TENM4: variants seen among roughly 807,000 people sequenced by gnomAD.
TENM4 encodes the protein teneurin-4.
Under a neutral mutation model 243.3 loss-of-function variants are expected in TENM4, and 82 were observed. The observed-to-expected ratio is 0.34, with a 90% CI of 0.28 to 0.40. The LOEUF is 0.40. TENM4 is among the 10% of genes least tolerant of loss of function. TENM4 has a pLI of 1.00. For missense variants in TENM4, 3,138 were observed against 3,673.3 expected (o/e 0.85, Z 3.77); for synonymous variants, 1,412 against 1,456.3 (o/e 0.97, Z 0.69).
chr11:78,938,135 A>G (rs1045535805), intron 6 of TENM4, among the ~76,000 whole-genome samples: 9 of 152,204 alleles, frequency 5.9e-5, no homozygotes, highest in Admixed American at 2.6e-4. Context: ...CACACTATCT[A>G]CAGAATAAAG....
At chr11:79,117,743 C>T (rs1443150407) in intron 4 of TENM4, among the ~76,000 whole-genome samples, 1 of 152,176 alleles carries the variant, frequency 6.6e-6, no homozygotes, top group Admixed American at 6.5e-5. Context: ...TCTTCCTTGT[C>T]TTAGTTTTGT....
rs143606344 is a variant in TENM4 at position 78,670,855 on chromosome 11, T to C, written c.5794-304A>G. ...GGTACTCAGGCCATTTGCTGTCCTA[T>C]GGTGAGCAGCCTCGTGGGTTTGCCC... On this transcript the variant is annotated intron_variant, in intron 31 of 33. Coordinates refer to ENST00000278550, the MANE Select transcript of TENM4 (RefSeq NM_001098816.3). 5.3e-5 allele frequency among the ~76,000 whole-genome samples: 8 copies of C among 152,330 alleles called. No individual in the cohort carries two copies. In the East Asian group the frequency reaches 1.5e-3, roughly 29 times the overall value.
At chr11:79,117,732 C>T (rs1405101373) in intron 4 of TENM4, among the ~76,000 whole-genome samples, 1 of 152,198 alleles carries the variant, frequency 6.6e-6, no homozygotes, top group Non-Finnish European at 1.5e-5. Flanking sequence ...CTGAACCTTG[C>T]TCTTCCTTGT....
At chr11:79,167,459 C>A (rs1397592778) in intron 3 of TENM4, among the ~76,000 whole-genome samples, 6 of 152,172 alleles carry the variant, frequency 3.9e-5, no homozygotes, top group South Asian at 2.1e-4. Context: ...ATAGAGCAAC[C>A]TAGATACAGA....
intron 6 of TENM4, among the ~76,000 whole-genome samples, chr11:79,007,497 A>G (rs1457519819): frequency 1.3e-5 from 2 of 152,090 alleles, no homozygotes; most frequent in African/African-American, 4.8e-5. Flanking sequence ...TCAGGCATCC[A>G]CTGGGGCACT....
chr11:79,149,977 G>T (rs900951610), intron 3 of TENM4, among the ~76,000 whole-genome samples: 2 of 152,086 alleles, frequency 1.3e-5, no homozygotes, highest in African/African-American at 4.8e-5. Context: ...CTGTTATTTG[G>T]TCTTAAACCT....
At chr11:78,738,301 A>G in intron 20 of TENM4, 150 bp downstream of exon 20, 1 of 1,055,958 alleles carries the variant, frequency 9.5e-7, no homozygotes, top group Non-Finnish European at 1.3e-6. Context: ...AAGGTCATAC[A>G]ATTAGTAAGT....
At chr11:78,888,984 A>C (rs970676125) in intron 9 of TENM4, among the ~76,000 whole-genome samples, 3 of 152,236 alleles carry the variant, frequency 2.0e-5, no homozygotes, top group Non-Finnish European at 2.9e-5. Context: ...TTGGATTAAT[A>C]TCTTTCCTGG....
At chr11:79,366,410 A>G (rs1857678306) in intron 1 of TENM4, among the ~76,000 whole-genome samples, 1 of 152,214 alleles carries the variant, frequency 6.6e-6, no homozygotes, top group South Asian at 2.1e-4. Flanking sequence ...TGCAACTGCT[A>G]CTATACAGTT....
At chr11:79,116,728 C>T (rs1371259554) in intron 4 of TENM4, among the ~76,000 whole-genome samples, 3 of 152,070 alleles carry the variant, frequency 2.0e-5, no homozygotes, top group Admixed American at 6.6e-5. Context: ...TGTGGGAGTC[C>T]GAAATATATC....
At chr11:78,956,761 A>C (rs567955750) in intron 6 of TENM4, among the ~76,000 whole-genome samples, 1 of 152,378 alleles carries the variant, frequency 6.6e-6, no homozygotes, top group Non-Finnish European at 1.5e-5. Context: ...TTTAGAGGCA[A>C]AACCTGACCT....
intron 1 of TENM4, among the ~76,000 whole-genome samples, chr11:79,300,151 T>A (rs1189437546): frequency 2.0e-5 from 3 of 152,114 alleles, no homozygotes; most frequent in Non-Finnish European, 4.4e-5. Context: ...TTTCTTTTTT[T>A]AAAAAAAGTA....
chr11:79,047,613 C>T (rs2136924970), intron 6 of TENM4, among the ~76,000 whole-genome samples: 1 of 152,246 alleles, frequency 6.6e-6, no homozygotes, highest in East Asian at 1.9e-4. Context: ...GCTCCTTGGA[C>T]TAAGACCAGT....
Position 79,090,725 on chromosome 11 carries a change from G to A in TENM4, c.-65-20716C>T, listed in dbSNP as rs554839505. Among the ~76,000 whole-genome samples the A allele has an allele frequency of 7.9e-5, 12 of 152,294 alleles. No homozygotes were observed. In the South Asian group the frequency reaches 1.7e-3, roughly 21 times the overall value. ...AGAGGTAACATGTTTGGGGTTTTGG[G>A]AACTCAAGCCCTGGCCTTGGGACTT... On this transcript the variant is annotated intron_variant, in intron 4 of 33. Transcript: ENST00000278550.
chr11:78,995,919 G>T (rs777741599), intron 6 of TENM4, among the ~76,000 whole-genome samples: 1 of 152,098 alleles, frequency 6.6e-6, no homozygotes, highest in Non-Finnish European at 1.5e-5. Flanking sequence ...TGGCTGAATT[G>T]CAGTAAGACT....
chr11:78,998,984 C>T (rs1858245690), intron 6 of TENM4, among the ~76,000 whole-genome samples: 1 of 152,164 alleles, frequency 6.6e-6, no homozygotes, highest in African/African-American at 2.4e-5. Flanking sequence ...TTTAAAAAGA[C>T]CTAAGCTTTG....
At chr11:78,949,069 T>C (rs1316363417) in intron 6 of TENM4, among the ~76,000 whole-genome samples, 3 of 152,192 alleles carry the variant, frequency 2.0e-5, no homozygotes. Context: ...AATTAGTAAG[T>C]AATTTGTGAC....
chr11:79,106,909 A>T (rs1232410550), intron 4 of TENM4, among the ~76,000 whole-genome samples: 2 of 152,250 alleles, frequency 1.3e-5, no homozygotes, highest in Non-Finnish European at 2.9e-5. Flanking sequence ...TGAAAGGAAA[A>T]CAATAACTAT....
At chr11:79,200,292 C>T (rs890886829) in intron 3 of TENM4, among the ~76,000 whole-genome samples, 13 of 152,326 alleles carry the variant, frequency 8.5e-5, no homozygotes, top group East Asian at 1.9e-4. Context: ...GGCAGCAGTC[C>T]GATGCTGGGC....
Sources: allele counts gnomAD v4.1 joint callset (sites outside exome capture counted in the v4.1 genomes callset), GRCh38; gene constraint gnomAD v4.1.1; transcripts MANE v1.5; gene names NCBI Gene and HGNC (gene_info 2026-07-23, HGNC 2026-07-21).